CDH3: variants seen among roughly 807,000 people sequenced by gnomAD.
CDH3 encodes the protein cadherin 3, also known as cadherin-3.
In CDH3, 54 loss-of-function variants were observed where a neutral mutation model predicts 82.0. The observed-to-expected ratio is 0.66, with a 90% confidence interval of 0.53 to 0.83. The LOEUF is 0.83. Among genes scored for constraint, CDH3 ranks in the 40% least tolerant of loss-of-function variants. The probability of loss-of-function intolerance (pLI) is 0.00; values close to 1 mark genes in which losing one functional copy is unlikely to be tolerated. For missense variants in CDH3, 1,054 were observed against 1,084.6 expected (o/e 0.97, Z 0.40); for synonymous variants, 446 against 437.9 (o/e 1.02, Z -0.23).
chr16:68,715,581 C>T (rs945089990), intron 1 of CDH3, among the ~76,000 whole-genome samples: 2 of 152,162 alleles, frequency 1.3e-5, no homozygotes, highest in Non-Finnish European at 2.9e-5. Context: ...CTCCAGCCTG[C>T]AGGGAGTTGC....
intron 2 of CDH3, among the ~76,000 whole-genome samples, chr16:68,724,662 A>C (rs1001386268): frequency 1.4e-4 from 21 of 151,552 alleles, no homozygotes; most frequent in Admixed American, 6.6e-5. Context: ...AGACCTGTCA[A>C]TTCCCCACAC....
At chr16:68,682,234 G>A (rs1311785155) in intron 8 of CDH3, 68 bp from the exon 9 acceptor site, 1 of 1,535,172 alleles carries the variant, frequency 6.5e-7, no homozygotes, top group Non-Finnish European at 8.9e-7. Context: ...TTGGATGGAG[G>A]CTTCTCAGCC....
At chr16:68,730,274 C>T (rs1962270024), downstream of CDH3, among the ~76,000 whole-genome samples, 1 of 151,148 alleles carries the variant, frequency 6.6e-6, no homozygotes, top group Non-Finnish European at 1.5e-5. Flanking sequence ...TGCCTGTAAT[C>T]CCAGCACTTT....
chr16:68,686,928 A>G (rs1049385343), intron 11 of CDH3, among the ~76,000 whole-genome samples: 31 of 152,224 alleles, frequency 2.0e-4, no homozygotes, highest in Non-Finnish European at 7.4e-5. Context: ...AAATTGTGCC[A>G]CTGCACTCCA....
At chr16:68,696,240 G>T in intron 15 of CDH3, 1 of 376,026 alleles carries the variant, frequency 2.7e-6, no homozygotes, top group Non-Finnish European at 5.1e-6. Flanking sequence ...CCAACATGGC[G>T]AAACCCCATC....
chr16:68,725,055 G>T (rs535970288), intron 2 of CDH3, among the ~76,000 whole-genome samples: 65 of 152,126 alleles, frequency 4.3e-4, no homozygotes, highest in African/African-American at 1.6e-3. Context: ...CAGGTCCCTG[G>T]GCCTCCACAG....
chr16:68,726,210 A>C (rs1439225598), intron 2 of CDH3, among the ~76,000 whole-genome samples: 1 of 151,910 alleles, frequency 6.6e-6, no homozygotes, highest in Non-Finnish European at 1.5e-5. Flanking sequence ...AGCCTCAGTC[A>C]CCTCTTCTGG....
chr16:68,683,480 T>C (rs1464196807), intron 9 of CDH3, among the ~76,000 whole-genome samples: 2 of 150,052 alleles, frequency 1.3e-5, no homozygotes, highest in Non-Finnish European at 3.0e-5. Flanking sequence ...TGAAACCCCG[T>C]CTCTACTAAA....
chr16:68,675,524 C>T (rs907665223), intron 2 of CDH3, among the ~76,000 whole-genome samples: 6 of 152,092 alleles, frequency 3.9e-5, no homozygotes, highest in South Asian at 2.1e-4. Context: ...CGGCTGGGCG[C>T]GGTGGCTCAT....
At chr16:68,710,472 T>C (rs1416662238) in intron 1 of CDH3, among the ~76,000 whole-genome samples, 2 of 152,072 alleles carry the variant, frequency 1.3e-5, no homozygotes, top group African/African-American at 4.8e-5. Flanking sequence ...ATCTAATGAG[T>C]AGAGGCCAGA....
intron 13 of CDH3, among the ~76,000 whole-genome samples, chr16:68,692,910 C>G (rs1009482150): frequency 6.6e-6 from 1 of 152,120 alleles, no homozygotes; most frequent in Non-Finnish European, 1.5e-5. Context: ...TTTGAGACCA[C>G]CCTGGCCAAT....
intron 2 of CDH3, among the ~76,000 whole-genome samples, chr16:68,672,687 G>A (rs929762709): frequency 1.3e-5 from 2 of 152,176 alleles, no homozygotes; most frequent in Admixed American, 6.5e-5. Flanking sequence ...CGGGGATGTC[G>A]TCAAGGAGGC....
At chr16:68,656,401 A>T (rs1056777270) in intron 2 of CDH3, among the ~76,000 whole-genome samples, 5 of 152,140 alleles carry the variant, frequency 3.3e-5, no homozygotes, top group African/African-American at 1.2e-4. Context: ...GGCATTGCCA[A>T]CCCAGGCAGC....
At chr16:68,690,295 A>C (rs1961528282) in intron 12 of CDH3, among the ~76,000 whole-genome samples, 1 of 152,202 alleles carries the variant, frequency 6.6e-6, no homozygotes, top group Non-Finnish European at 1.5e-5. Flanking sequence ...TAGCACTTAC[A>C]TAACCAAGTC....
Position 68,671,646 on chromosome 16 carries a change from C to T in CDH3, c.161-4739C>T, listed in dbSNP as rs933440645. 6.6e-5 allele frequency among the ~76,000 whole-genome samples: 10 copies of T among 151,520 alleles called. No homozygotes were observed. In the East Asian group the frequency reaches 9.9e-4, roughly 15 times the overall value. On this transcript the variant is annotated intron_variant, in intron 2 of 15. Coordinates refer to ENST00000264012, the MANE Select transcript of CDH3 (RefSeq NM_001793.6). ...AAGCGATTCTCCTGCCTCAGCCTCC[C>T]GGGTAGCTGGGACTACAGGCGCAGG...
downstream of CDH3, among the ~76,000 whole-genome samples, chr16:68,731,838 A>C (rs11075698): frequency 2.0e-5 from 3 of 151,548 alleles, no homozygotes; most frequent in Non-Finnish European, 4.4e-5. Context: ...ATCCTGTCTC[A>C]AAAACAAACA....
At chr16:68,731,251 T>C (rs1375316549), downstream of CDH3, among the ~76,000 whole-genome samples, 1 of 132,116 alleles carries the variant, frequency 7.6e-6, no homozygotes, top group Non-Finnish European at 1.6e-5. Flanking sequence ...TCCCAGCTAC[T>C]TGGGAGGCTG....
At chr16:68,661,882 G>C (rs185346377) in intron 2 of CDH3, among the ~76,000 whole-genome samples, 2 of 152,164 alleles carry the variant, frequency 1.3e-5, no homozygotes, top group East Asian at 3.9e-4. Flanking sequence ...GTAGAGATGG[G>C]GTTTCGCCAT....
chr16:68,684,725 C>T lies in CDH3; in HGVS notation c.1325C>T (p.Pro442Leu). 6.2e-7 allele frequency: 1 copy of T among 1,614,192 alleles called. No individual in the cohort carries two copies. Among genetic ancestry groups the T allele is most frequent in the Non-Finnish European group, 8.5e-7 (1 of 1,180,032 alleles). ...GTGAATGAGGCACCTGTGTTTGTCC[C>T]ACCCTCCAAAGTCGTTGAGGTCCAG... Reference protein sequence around the residue: ...EDVNEAPVFVPPSKVVEVQEG... With the variant: ...EDVNEAPVFVLPSKVVEVQEG... The change falls in exon 10 of 16, where the codon CCA (proline) becomes CTA (leucine). Residue 442 changes from proline (P) to leucine (L), a missense_variant. Physicochemically the swap from Pro to Leu is moderately conservative, Grantham distance 98. Transcript: ENST00000264012.
Sources: allele counts gnomAD v4.1 joint callset (sites outside exome capture counted in the v4.1 genomes callset), GRCh38; gene constraint gnomAD v4.1.1; transcripts MANE v1.5; gene names NCBI Gene and HGNC (gene_info 2026-07-23, HGNC 2026-07-21).